The following TRDN variants were observed in gnomAD, a reference collection of about 807,000 sequenced individuals.
TRDN encodes triadin, also known as triadin in skeletal muscle.
TRDN carries 161 observed loss-of-function variants against 149.7 expected under a neutral mutation model. That is an observed-to-expected ratio of 1.08 (90% CI 0.95 to 1.23). The LOEUF is 1.23. Among genes scored for constraint, TRDN ranks in the 50% most tolerant of loss-of-function variants. The probability of loss-of-function intolerance (pLI) is 0.00; values close to 1 mark genes in which losing one functional copy is unlikely to be tolerated. For synonymous variants in TRDN, 294 were observed against 250.5 expected (o/e 1.17, Z -1.64); for missense variants, 896 against 823.5 (o/e 1.09, Z -1.08).
intron 23 of TRDN, among the ~76,000 whole-genome samples, chr6:123,320,134 T>TC (rs398038829): frequency 6.6e-6 from 1 of 151,940 alleles, no homozygotes; most frequent in Non-Finnish European, 1.5e-5. Flanking sequence ...TAGATTTTTT[T>TC]CTCAATTTAT....
At chr6:123,360,675 G>A (rs1325810611) in intron 20 of TRDN, among the ~76,000 whole-genome samples, 1 of 151,032 alleles carries the variant, frequency 6.6e-6, no homozygotes, top group Non-Finnish European at 1.5e-5. Context: ...ACATGGGAAG[G>A]AGATAAAGTG....
At chr6:123,369,558 C>T (rs893002077) in intron 19 of TRDN, among the ~76,000 whole-genome samples, 28 of 152,102 alleles carry the variant, frequency 1.8e-4, no homozygotes, top group African/African-American at 6.5e-4. Flanking sequence ...TTACCACAGA[C>T]CCAATAAAGT....
chr6:123,407,008 G>A (rs948936101), intron 12 of TRDN, among the ~76,000 whole-genome samples: 3 of 152,134 alleles, frequency 2.0e-5, no homozygotes, highest in Non-Finnish European at 4.4e-5. Flanking sequence ...CAGGGTGCTT[G>A]CTGAGAGGGC....
intron 2 of TRDN, among the ~76,000 whole-genome samples, chr6:123,557,134 G>T (rs181299891): frequency 1.5e-3 from 202 of 136,078 alleles, no homozygotes; most frequent in Non-Finnish European, 2.1e-3. Context: ...TAAAACGGCC[G>T]CACCCCATCT....
chr6:123,361,029 C>T (rs543464247), intron 20 of TRDN, among the ~76,000 whole-genome samples: 23 of 152,086 alleles, frequency 1.5e-4, no homozygotes, highest in African/African-American at 4.6e-4. Flanking sequence ...TGAATAGTGC[C>T]GCAATAAACA....
intron 12 of TRDN, among the ~76,000 whole-genome samples, chr6:123,403,049 C>T (rs746580460): frequency 1.6e-4 from 25 of 152,176 alleles, no homozygotes; most frequent in Admixed American, 2.0e-4. Context: ...TCATGCACAT[C>T]GAAGTGTAAA....
At chr6:123,511,613 A>G (rs2114856595) in intron 7 of TRDN, among the ~76,000 whole-genome samples, 1 of 152,286 alleles carries the variant, frequency 6.6e-6, no homozygotes, top group Non-Finnish European at 1.5e-5. Flanking sequence ...GTAACAAATT[A>G]AAACAAACTT....
intron 2 of TRDN, among the ~76,000 whole-genome samples, chr6:123,559,712 C>T (rs151234415): frequency 0.021 from 3,217 of 152,284 alleles, 123 homozygotes; most frequent in African/African-American, 0.073. Flanking sequence ...CCTTACAATT[C>T]CCCCGTTTTA....
intron 38 of TRDN, among the ~76,000 whole-genome samples, chr6:123,231,190 T>C (rs1775587653): frequency 1.3e-5 from 2 of 151,968 alleles, no homozygotes; most frequent in South Asian, 4.1e-4. Flanking sequence ...CAAAAGGAAA[T>C]AGGATGCTAC....
At chr6:123,533,572 A>C (rs1361572937) in intron 4 of TRDN, among the ~76,000 whole-genome samples, 1 of 152,072 alleles carries the variant, frequency 6.6e-6, no homozygotes, top group Non-Finnish European at 1.5e-5. Context: ...AGATGAAAGA[A>C]GTACTAGCAG....
At chr6:123,460,861 A>G (rs867374562) in intron 10 of TRDN, among the ~76,000 whole-genome samples, 14 of 152,266 alleles carry the variant, frequency 9.2e-5, no homozygotes, top group South Asian at 4.1e-4. Flanking sequence ...TTATGGCTCA[A>G]TGAAAGACTT....
intron 9 of TRDN, among the ~76,000 whole-genome samples, chr6:123,494,870 A>G (rs1778373468): frequency 6.6e-6 from 1 of 151,946 alleles, no homozygotes; most frequent in South Asian, 2.1e-4. Context: ...AGTGGCTGGG[A>G]TTACAGGCAC....
chr6:123,289,190 C>A (rs980501834), intron 24 of TRDN, among the ~76,000 whole-genome samples: 1 of 147,474 alleles, frequency 6.8e-6, no homozygotes, highest in Non-Finnish European at 1.5e-5. Flanking sequence ...AAATAGGATA[C>A]TATACAGCCT....
At chr6:123,300,233 G>C (rs1387923743) in intron 24 of TRDN, among the ~76,000 whole-genome samples, 1 of 151,830 alleles carries the variant, frequency 6.6e-6, no homozygotes, top group Non-Finnish European at 1.5e-5. Context: ...TTTTTTAAAA[G>C]GAAAGAAAAG....
rs34601296 is a variant in TRDN, at chr6:123,435,496, G to GTC, written c.1051+2565_1051+2566dup. 2.7e-3 allele frequency among the ~76,000 whole-genome samples: 401 copies of GTC among 148,806 alleles called. 2 individuals carry two copies. Among genetic ancestry groups the GTC allele is most frequent in the Middle Eastern group, 6.8e-3 (2 of 294 alleles). On this transcript the variant is annotated intron_variant, in intron 12 of 40. Coordinates refer to ENST00000334268, the MANE Select transcript of TRDN (RefSeq NM_006073.4). ...GCACTAACTGAAACTCAATCTCTCT[G>GTC]TCTCTCTCTCTCTCTCTCTCTCTGA...
intron 10 of TRDN, among the ~76,000 whole-genome samples, chr6:123,457,283 C>T (rs6930651): frequency 0.17 from 25,726 of 152,196 alleles, 2,344 homozygotes; most frequent in South Asian, 0.29. Flanking sequence ...AGAGTAAATA[C>T]CTCTTGATAC....
At chr6:123,425,083 G>C (rs182674587) in intron 12 of TRDN, among the ~76,000 whole-genome samples, 1 of 152,016 alleles carries the variant, frequency 6.6e-6, no homozygotes, top group South Asian at 2.1e-4. Context: ...ATATTTCAAA[G>C]GTGAAAGTGA....
chr6:123,523,539 G>C (rs1183463280), intron 5 of TRDN, among the ~76,000 whole-genome samples: 2 of 152,152 alleles, frequency 1.3e-5, no homozygotes, highest in Non-Finnish European at 1.5e-5. Context: ...GCCCGTAAGT[G>C]ACTGGATTAG....
At chr6:123,610,329 A>C (rs963580863) in intron 1 of TRDN, among the ~76,000 whole-genome samples, 4 of 152,184 alleles carry the variant, frequency 2.6e-5, no homozygotes, top group Non-Finnish European at 5.9e-5. Context: ...CCAGCTTCAA[A>C]TCAATGCAGC....
Sources: allele counts gnomAD v4.1 joint callset (sites outside exome capture counted in the v4.1 genomes callset), GRCh38; gene constraint gnomAD v4.1.1; transcripts MANE v1.5; gene names NCBI Gene and HGNC (gene_info 2026-07-23, HGNC 2026-07-21).